Variants in NWD2 observed in about 807,000 individuals in gnomAD.
NWD2 encodes NACHT and WD repeat domain-containing protein 2.
In NWD2, 37 loss-of-function variants were observed where a neutral mutation model predicts 132.7. That is an observed-to-expected ratio of 0.28 (90% CI 0.21 to 0.37). The LOEUF (loss-of-function observed/expected upper bound fraction) is 0.37. Ranked by LOEUF, NWD2 falls within the 10% of genes least tolerant of loss-of-function variation. The pLI, the probability that NWD2 is intolerant of heterozygous loss-of-function variation, is 1.00. For missense variants in NWD2, 1,592 were observed against 2,122.4 expected, an observed-to-expected ratio of 0.75 and a Z score of 4.91; for synonymous variants, 705 against 803.0, an observed-to-expected ratio of 0.88 and a Z score of 2.06.
chr4:37,299,022 A>G (rs1718560485), intron 1 of NWD2, among the ~76,000 whole-genome samples: 1 of 152,174 alleles, frequency 6.6e-6, no homozygotes, highest in Non-Finnish European at 1.5e-5. Flanking sequence ...ATTACCAGCC[A>G]TCTTACAGAG....
chr4:37,350,538 C>T (rs1719739308), intron 2 of NWD2, among the ~76,000 whole-genome samples: 1 of 152,104 alleles, frequency 6.6e-6, no homozygotes, highest in African/African-American at 2.4e-5. Flanking sequence ...GATTTTGTAT[C>T]CTGAGACTTT....
intron 1 of NWD2, among the ~76,000 whole-genome samples, chr4:37,284,088 C>G (rs998504129): frequency 4.6e-5 from 7 of 152,106 alleles, no homozygotes; most frequent in African/African-American, 1.7e-4. Flanking sequence ...TAACAAAATA[C>G]CATATATTGG....
chr4:37,356,353 C>G lies in NWD2; in HGVS notation c.241-13C>G. On this transcript the variant is annotated splice_polypyrimidine_tract_variant and intron_variant, in intron 2 of 6. Transcript: ENST00000309447. ...CACATGTAAACTAATGCTCTTCATCCATCTGTCCCCAGGTCATAGATCTGT... is the reference window on the plus strand; with the variant it reads ...CACATGTAAACTAATGCTCTTCATCGATCTGTCCCCAGGTCATAGATCTGT... The G allele has an allele frequency of 7.1e-7, 1 of 1,401,094 alleles. No individual in the cohort carries two copies. Among genetic ancestry groups the G allele is most frequent in the Non-Finnish European group, 9.7e-7 (1 of 1,027,206 alleles). The allele number at this position is 1,401,094 out of a possible 1,614,324, so 86.8% of individuals were successfully genotyped here.
intron 2 of NWD2, among the ~76,000 whole-genome samples, chr4:37,348,667 TATATATATAC>T (rs1719694914): frequency 1.4e-5 from 1 of 71,796 alleles, no homozygotes; most frequent in East Asian, 3.7e-4. Flanking sequence ...TATATATATA[TATATATATAC>T]ACACACACAC....
In NWD2 at chr4:37,445,243, T is replaced by A. The variant is rs1426195632; in HGVS notation, c.3255T>A (p.Asp1085Glu). Residue 1085 changes from aspartate to glutamate, a missense_variant, in exon 7 of 7, where the codon GAT (aspartate) becomes GAA (glutamate). By Grantham distance (45) the Asp-to-Glu change is conservative. Transcript: ENST00000309447. The surrounding 1 kb of genome is among the most constrained non-coding windows in gnomAD (Gnocchi z 4.7). Reference sequence around the variant, plus strand: ...CCAGCAAAGATGTCACTGTCATCGATCTGCTGTACGGATGGCCGCTTTACC... The same window carrying A: ...CCAGCAAAGATGTCACTGTCATCGAACTGCTGTACGGATGGCCGCTTTACC... Reference protein sequence around the residue: ...LEASKDVTVIDLLYGWPLYQF... With the variant: ...LEASKDVTVIELLYGWPLYQF... 23 of 1,551,900 alleles carry A rather than the reference T, an allele frequency of 1.5e-5. 1 individual carries two copies. Among genetic ancestry groups the A allele is most frequent in the Non-Finnish European group, 1.8e-5 (21 of 1,147,040 alleles).
chr4:37,244,776 T>G lies in NWD2; in HGVS notation c.-292T>G, dbSNP rs548043614. On this transcript the variant is annotated 5_prime_UTR_variant, in exon 1 of 7. Transcript: ENST00000309447. This position sits in a 1 kb window ranked among gnomAD's most constrained non-coding sequence, Gnocchi z 5.5. ...GCTGCGCGCGTAGCCGCCGCCACGC[T>G]GACCTCCCGCTCCAGCTGGCTGCTG... 2.8e-4 allele frequency: 97 copies of G among 342,496 alleles called. No homozygotes were observed. The highest frequency in any genetic ancestry group is 2.0e-3 in the African/African-American group (92 of 46,386). 21.2% of individuals were successfully genotyped at this position (342,496 alleles called of 1,614,324 possible).
chr4:37,356,252 T>C, intron 2 of NWD2, 114 bp from the exon 3 acceptor site: 1 of 526,096 alleles, frequency 1.9e-6, no homozygotes, highest in Non-Finnish European at 3.3e-6. Flanking sequence ...TCACTTCCCC[T>C]CTGTAAGAGA....
chr4:37,427,359 G>T, intron 3 of NWD2, among the ~76,000 whole-genome samples: 1 of 152,162 alleles, frequency 6.6e-6, no homozygotes, highest in East Asian at 1.9e-4. Flanking sequence ...TACCCTAAAA[G>T]AGATAATGTT....
At chr4:37,293,407 A>G (rs758168995) in intron 1 of NWD2, among the ~76,000 whole-genome samples, 14 of 152,238 alleles carry the variant, frequency 9.2e-5, no homozygotes, top group Non-Finnish European at 1.9e-4. Context: ...CATATTTGCT[A>G]GTAATTTAAT....
chr4:37,362,341 A>C (rs1281988796), intron 3 of NWD2, among the ~76,000 whole-genome samples: 1 of 152,232 alleles, frequency 6.6e-6, no homozygotes. Context: ...GGAACCAAAA[A>C]AGAGTGTGAA....
In NWD2 at chr4:37,245,162, C is replaced by T. The variant is rs1048096970; in HGVS notation, c.95C>T (p.Ser32Phe). 8 of 1,546,554 alleles carry T rather than the reference C, an allele frequency of 5.2e-6. 1 individual carries two copies. The Admixed American group carries it at 1.6e-4, about 30-fold the overall frequency. Residue 32 changes from serine (S) to phenylalanine (F), a missense_variant, in exon 1 of 7, where the codon TCT (serine) becomes TTT (phenylalanine). By Grantham distance (155) the Ser-to-Phe change is radical. Coordinates refer to ENST00000309447, the MANE Select transcript of NWD2 (RefSeq NM_001144990.2). ...AFSGNLTALP[S>F]HLVPAGRSVR... ...TCTGGGAACCTCACGGCCCTGCCCTCTCACCTCGTGCCCGCCGGCCGCAGC... is the reference window on the plus strand; with the variant it reads ...TCTGGGAACCTCACGGCCCTGCCCTTTCACCTCGTGCCCGCCGGCCGCAGC...
At chr4:37,342,644 T>C (rs1181456423) in intron 2 of NWD2, among the ~76,000 whole-genome samples, 2 of 152,182 alleles carry the variant, frequency 1.3e-5, no homozygotes, top group Non-Finnish European at 2.9e-5. Context: ...TCCTGGTCCC[T>C]TCTCTCTTTC....
intron 3 of NWD2, among the ~76,000 whole-genome samples, chr4:37,424,714 T>C (rs1164841835): frequency 2.0e-5 from 3 of 152,206 alleles, no homozygotes; most frequent in Non-Finnish European, 2.9e-5. Flanking sequence ...AGGGAGCAGC[T>C]GCCTCACGCC....
At chr4:37,266,100 G>A (rs537876223) in intron 1 of NWD2, among the ~76,000 whole-genome samples, 32 of 151,994 alleles carry the variant, frequency 2.1e-4, no homozygotes, top group African/African-American at 6.8e-4. Flanking sequence ...GAGTTCTTTT[G>A]TAACCTCTTC....
chr4:37,403,832 C>G (rs1192773070), intron 3 of NWD2, among the ~76,000 whole-genome samples: 4 of 152,100 alleles, frequency 2.6e-5, no homozygotes, highest in African/African-American at 9.7e-5. Context: ...GGGAATTGAA[C>G]CACTTTTAGG....
rs193205292 is a variant in NWD2 at position 37,392,826 on chromosome 4, C to A, written c.357+36344C>A. ...CAATTTATTCACCTTAACGTTGTCTCCACCAGTCCCAGTTTTCTGACCCTT... is the reference window on the plus strand; with the variant it reads ...CAATTTATTCACCTTAACGTTGTCTACACCAGTCCCAGTTTTCTGACCCTT... On this transcript the variant is annotated intron_variant, in intron 3 of 6. Coordinates refer to ENST00000309447, the MANE Select transcript of NWD2 (RefSeq NM_001144990.2). Among the ~76,000 whole-genome samples, 12 of 152,306 alleles carry A rather than the reference C, an allele frequency of 7.9e-5. No homozygotes were observed. In the East Asian group the frequency reaches 2.1e-3, roughly 27 times the overall value.
intron 1 of NWD2, among the ~76,000 whole-genome samples, chr4:37,261,688 A>G (rs1351749991): frequency 6.6e-6 from 1 of 152,204 alleles, no homozygotes; most frequent in Non-Finnish European, 1.5e-5. Context: ...TCACATTCTG[A>G]TGGGGGGACC....
At chr4:37,371,299 C>T (rs886362886) in intron 3 of NWD2, among the ~76,000 whole-genome samples, 7 of 152,116 alleles carry the variant, frequency 4.6e-5, no homozygotes, top group Non-Finnish European at 7.4e-5. Context: ...TGGTCTCGAA[C>T]TCCTGACCTC....
intron 1 of NWD2, among the ~76,000 whole-genome samples, chr4:37,309,479 GGGC>G (rs1317058976): frequency 3.9e-5 from 6 of 152,132 alleles, no homozygotes; most frequent in African/African-American, 1.4e-4. Context: ...ATAATGATAA[GGGC>G]TCAGAAATGC....
Sources: gnomAD v4.1 joint callset for allele counts (sites outside exome capture counted in the v4.1 genomes callset) on GRCh38, gnomAD v4.1.1 for gene constraint, Gnocchi (gnomAD v3.1) non-coding constraint, MANE v1.5 for transcripts, NCBI Gene and HGNC (gene_info 2026-07-23, HGNC 2026-07-21) for gene names.